Variants in FILIP1L observed in about 807,000 individuals in gnomAD.
FILIP1L encodes filamin A-interacting protein 1-like.
Under a neutral mutation model 96.6 loss-of-function variants are expected in FILIP1L, and 55 were observed. That is an observed-to-expected ratio of 0.57 (90% CI 0.46 to 0.71). The LOEUF is 0.71. Ranked by LOEUF, FILIP1L falls within the 30% of genes least tolerant of loss-of-function variation. The pLI is 0.00. For synonymous variants in FILIP1L, 467 were observed against 473.9 expected (o/e 0.99, Z 0.19); for missense variants, 1,304 against 1,321.2 (o/e 0.99, Z 0.20).
intron 1 of FILIP1L, among the ~76,000 whole-genome samples, chr3:100,069,579 T>C (rs2065726174): frequency 6.6e-6 from 1 of 152,208 alleles, no homozygotes; most frequent in Non-Finnish European, 1.5e-5. Context: ...TAGTGGTTCC[T>C]TCAGGCTTCA....
chr3:99,934,780 G>GC (rs2107667897), intron 1 of FILIP1L, among the ~76,000 whole-genome samples: 1 of 152,296 alleles, frequency 6.6e-6, no homozygotes, highest in East Asian at 1.9e-4. Context: ...TAGATCATTT[G>GC]CCAGTGATGA....
In FILIP1L at chr3:99,910,242, A is replaced by G. The variant is rs143526524; in HGVS notation, c.605+13988T>C. Among the ~76,000 whole-genome samples, 22 of 136,842 alleles carry G rather than the reference A, an allele frequency of 1.6e-4. 2 individuals carry two copies. Among genetic ancestry groups the G allele is most frequent in the African/African-American group, 5.5e-4 (22 of 40,192 alleles). 89.8% of individuals were successfully genotyped at this position (136,842 alleles called of 152,430 possible). On this transcript the variant is annotated intron_variant, in intron 4 of 5. Coordinates refer to ENST00000477258, the MANE Select transcript of FILIP1L (RefSeq NM_001387850.1). ...GAGGATTAAAAGGCTATAAAAATTT[A>G]AATAACTTCATCCAGTGAGTATGTT...
intron 1 of FILIP1L, among the ~76,000 whole-genome samples, chr3:99,931,496 G>A (rs1707481912): frequency 6.6e-6 from 1 of 151,960 alleles, no homozygotes; most frequent in African/African-American, 2.4e-5. Flanking sequence ...TTTTTGTTTT[G>A]TTTTTAAAAT....
intron 1 of FILIP1L, among the ~76,000 whole-genome samples, chr3:100,031,095 AT>A (rs1011897273): frequency 6.6e-6 from 1 of 151,936 alleles, no homozygotes; most frequent in African/African-American, 2.4e-5. Flanking sequence ...GTCAGATTCT[AT>A]TTTTTTCTGC....
At chr3:99,988,511 CAA>C (rs757175318) in intron 1 of FILIP1L, among the ~76,000 whole-genome samples, 2 of 47,890 alleles carry the variant, frequency 4.2e-5, no homozygotes, top group Admixed American at 2.9e-4. Flanking sequence ...GACTCCATCT[CAA>C]AAAAAAAAAA....
At chr3:100,098,528 C>A (rs1475260832) in intron 1 of FILIP1L, among the ~76,000 whole-genome samples, 1 of 152,224 alleles carries the variant, frequency 6.6e-6, no homozygotes, top group Non-Finnish European at 1.5e-5. Flanking sequence ...CTATAATTGA[C>A]TGACTCTATA....
chr3:99,956,439 G>T (rs531968728), intron 1 of FILIP1L, among the ~76,000 whole-genome samples: 1 of 152,108 alleles, frequency 6.6e-6, no homozygotes, highest in East Asian at 1.9e-4. Flanking sequence ...TGCAAACTAC[G>T]CCTCCTAGGT....
chr3:100,001,975 A>AT (rs1055126537), intron 1 of FILIP1L, among the ~76,000 whole-genome samples: 1 of 152,102 alleles, frequency 6.6e-6, no homozygotes, highest in African/African-American at 2.4e-5. Context: ...GCTTGTCCAT[A>AT]TCCCCCCCAA....
intron 1 of FILIP1L, among the ~76,000 whole-genome samples, chr3:99,962,523 A>C (rs1708523858): frequency 6.6e-6 from 1 of 152,232 alleles, no homozygotes; most frequent in African/African-American, 2.4e-5. Context: ...TTCTCCAGCA[A>C]CAATATGTTT....
chr3:100,047,134 G>A (rs2065290099), intron 1 of FILIP1L, among the ~76,000 whole-genome samples: 1 of 152,144 alleles, frequency 6.6e-6, no homozygotes, highest in African/African-American at 2.4e-5. Context: ...TTGGTAAAAT[G>A]GGTATAATAC....
Position 99,830,307 on chromosome 3 carries a change from G to C in FILIP1L, c.*107C>G, listed in dbSNP as rs955650468. 1 of 349,202 alleles carries C rather than the reference G, an allele frequency of 2.9e-6. No individual in the cohort carries two copies. The highest frequency in any genetic ancestry group is 3.8e-5 in the Admixed American group (1 of 26,438). 21.6% of individuals were successfully genotyped at this position (349,202 alleles called of 1,614,324 possible). On this transcript the variant is annotated 3_prime_UTR_variant, in exon 6 of 6. Coordinates refer to ENST00000477258, the MANE Select transcript of FILIP1L (RefSeq NM_001387850.1). ...TGATCTTCATCAGGTCCACAAAGCT[G>C]CTTCACCATTTCCTGGAGAGATGGT... is the stretch of plus-strand genomic sequence containing the variant.
At position 100,068,697 on chromosome 3, in the gene FILIP1L, G is replaced by A. The variant is rs564400183; in HGVS notation, c.-11+45356C>T. On this transcript the variant is annotated intron_variant, in intron 1 of 5. Coordinates refer to ENST00000477258, the MANE Select transcript of FILIP1L (RefSeq NM_001387850.1). ...GGCTGGAGTGCAGTTGCACGATCTC[G>A]GCTTACTGCAACCTCTATCTCCCAG... is the stretch of plus-strand genomic sequence containing the variant. Among the ~76,000 whole-genome samples the A allele has an allele frequency of 2.4e-3, 372 of 152,066 alleles. 1 individual carries two copies. Among genetic ancestry groups the A allele is most frequent in the African/African-American group, 8.4e-3 (349 of 41,480 alleles).
intron 4 of FILIP1L, among the ~76,000 whole-genome samples, chr3:99,866,529 G>C (rs150010188): frequency 6.6e-6 from 1 of 152,250 alleles, no homozygotes; most frequent in East Asian, 1.9e-4. Flanking sequence ...GATCCTTAGA[G>C]GACTTTTTTG....
intron 4 of FILIP1L, among the ~76,000 whole-genome samples, chr3:99,901,532 G>C (rs1382617937): frequency 2.0e-5 from 3 of 152,182 alleles, no homozygotes; most frequent in Non-Finnish European, 2.9e-5. Context: ...TTGGCTATTA[G>C]CCAGATGTTC....
At chr3:99,908,772 A>G (rs991140900) in intron 4 of FILIP1L, among the ~76,000 whole-genome samples, 3 of 152,168 alleles carry the variant, frequency 2.0e-5, no homozygotes, top group African/African-American at 4.8e-5. Flanking sequence ...TGTAATTGTT[A>G]TTATCACTAA....
intron 4 of FILIP1L, among the ~76,000 whole-genome samples, chr3:99,884,795 A>G (rs547346046): frequency 6.6e-5 from 10 of 152,366 alleles, no homozygotes; most frequent in African/African-American, 2.4e-4. Context: ...AAATGTGTAT[A>G]CAGGATACCA....
At chr3:99,961,622 G>A (rs1039777788) in intron 1 of FILIP1L, among the ~76,000 whole-genome samples, 2 of 152,070 alleles carry the variant, frequency 1.3e-5, no homozygotes, top group Non-Finnish European at 1.5e-5. Flanking sequence ...AGCTGGAAAG[G>A]CTCCTGGGAA....
chr3:99,871,145 A>C (rs1430348334), intron 4 of FILIP1L, among the ~76,000 whole-genome samples: 1 of 152,206 alleles, frequency 6.6e-6, no homozygotes, highest in Non-Finnish European at 1.5e-5. Flanking sequence ...GCTGAGCCTA[A>C]CTTGGTTTCT....
chr3:99,923,574 C>G (rs184103920), intron 4 of FILIP1L, among the ~76,000 whole-genome samples: 50 of 152,280 alleles, frequency 3.3e-4, no homozygotes, highest in African/African-American at 1.2e-3. Context: ...GCGCACACCC[C>G]CCTCCCAACC....
Sources: gnomAD v4.1 joint callset for allele counts (sites outside exome capture counted in the v4.1 genomes callset) on GRCh38, gnomAD v4.1.1 for gene constraint, MANE v1.5 for transcripts, NCBI Gene and HGNC (gene_info 2026-07-23, HGNC 2026-07-21) for gene names.